Variants in PPFIBP1 observed in about 807,000 individuals in gnomAD.
PPFIBP1 encodes the protein PPFIB scaffold protein 1.
Under a neutral mutation model 137.8 loss-of-function variants are expected in PPFIBP1, and 112 were observed. That is an observed-to-expected ratio of 0.81 (90% CI 0.70 to 0.95). The LOEUF is 0.95. Ranked by LOEUF, PPFIBP1 falls within the 40% of genes least tolerant of loss-of-function variation. The probability of loss-of-function intolerance (pLI) is 0.00; values close to 1 mark genes in which losing one functional copy is unlikely to be tolerated. For missense variants in PPFIBP1, 1,083 were observed against 1,196.6 expected (o/e 0.91, Z 1.40); for synonymous variants, 378 against 417.3 (o/e 0.91, Z 1.15).
chr12:27,620,526 C>A lies in PPFIBP1; in HGVS notation c.-35-12836C>A, dbSNP rs1037722480. Among the ~76,000 whole-genome samples, 3 of 152,304 alleles carry A rather than the reference C, an allele frequency of 2.0e-5. No homozygotes were observed. The East Asian group carries it at 5.8e-4, about 29-fold the overall frequency. On this transcript the variant is annotated intron_variant, in intron 2 of 29. Coordinates refer to ENST00000228425, the MANE Select transcript of PPFIBP1 (RefSeq NM_003622.4). ...AATGTCACTTTATCAGTGGGGCCTT[C>A]CATGATTATCTGATCAAAACTTTTA...
intron 2 of PPFIBP1, chr12:27,592,388 T>C (rs2052627629): frequency 1.7e-6 from 1 of 598,060 alleles, no homozygotes; most frequent in South Asian, 2.7e-5. Context: ...AAAAATAAAC[T>C]ATTGGGGATT....
chr12:27,529,802 AAGAACT>A, intron 1 of PPFIBP1, among the ~76,000 whole-genome samples: 3 of 152,346 alleles, frequency 2.0e-5, no homozygotes, highest in Middle Eastern at 6.8e-3. Context: ...AGTTTTGGGG[AAGAACT>A]AGGTAGGCCC....
chr12:27,592,441 A>G (rs2052634475), intron 2 of PPFIBP1: 1 of 843,342 alleles, frequency 1.2e-6, no homozygotes, highest in Non-Finnish European at 1.8e-6. Flanking sequence ...AACTTTCCAA[A>G]AAGTTGAAAA....
At chr12:27,664,272 T>G in intron 11 of PPFIBP1, 90 bp from the exon 12 acceptor site, 1 of 817,990 alleles carries the variant, frequency 1.2e-6, no homozygotes. Context: ...ATTCTTTATG[T>G]AATTACTATT....
rs140448889 is a variant in PPFIBP1 at position 27,598,864 on chromosome 12, C to T, written c.-36+20625C>T. On this transcript the variant is annotated intron_variant, in intron 2 of 29. Transcript: ENST00000228425. The stretch of plus-strand genomic sequence containing the variant: ...TAATTAGACTTGCAGGTCTAGCTTC[C>T]CTTGGATTACAATTTTACATCGTCT... Among the ~76,000 whole-genome samples the T allele has an allele frequency of 1.8e-3, 270 of 152,162 alleles. 1 individual carries two copies. The highest frequency in any genetic ancestry group is 0.01 in the Middle Eastern group (3 of 294).
chr12:27,670,788 A>ATAATAATAATAATAATAATAATAATAAT (rs57738136), intron 13 of PPFIBP1, among the ~76,000 whole-genome samples: 1 of 134,286 alleles, frequency 7.4e-6, no homozygotes, highest in Non-Finnish European at 1.6e-5. Flanking sequence ...CAAAAAAAAA[A>ATAATAATAATAATAATAATAATAATAAT]AAAAAAAATA....
chr12:27,531,498 T>C lies in PPFIBP1; in HGVS notation c.-124+7133T>C, dbSNP rs188299149. Among the ~76,000 whole-genome samples, 702 of 152,052 alleles carry C rather than the reference T, an allele frequency of 4.6e-3. 2 individuals carry two copies. The highest frequency in any genetic ancestry group is 7.9e-3 in the Admixed American group (120 of 15,270). ...TTGTATTTTTAGTAGAGACAGGGTT[T>C]CACCATCGTGGCCAGGCTGGTCTCA... On this transcript the variant is annotated intron_variant, in intron 1 of 29. Transcript: ENST00000228425.
intron 6 of PPFIBP1, chr12:27,648,119 A>G (rs2058654020): frequency 2.5e-6 from 1 of 395,222 alleles, no homozygotes; most frequent in Admixed American, 4.4e-5. Flanking sequence ...CACCCATAGC[A>G]TGTGTTTTAT....
intron 1 of PPFIBP1, among the ~76,000 whole-genome samples, chr12:27,553,510 T>A (rs1448239009): frequency 2.0e-5 from 3 of 152,226 alleles, no homozygotes; most frequent in African/African-American, 7.2e-5. Context: ...TGAGTTCTCC[T>A]TCAATAGCTT....
rs201126471 is a variant in PPFIBP1 at position 27,691,918 on chromosome 12, G to T, written c.2855G>T (p.Arg952Leu). ...CTGTATGAGGAAGATGATTTGGACC[G>T]GTTAGAGCAGGTAAATCCAACACTG... is the stretch of plus-strand genomic sequence containing the variant. The part of the protein sequence containing the change: ...MRLYEEDDLD[R>L]LEQMEDSEGT... Residue 952 changes from arginine to leucine, a missense_variant, in exon 28 of 30, where the codon CGG (arginine) becomes CTG (leucine). Transcript: ENST00000228425. The T allele has an allele frequency of 6.2e-7, 1 of 1,606,100 alleles. No individual in the cohort carries two copies. Among genetic ancestry groups the T allele is most frequent in the South Asian group, 1.1e-5 (1 of 88,812 alleles).
chr12:27,613,776 T>C (rs2055426895), intron 2 of PPFIBP1, among the ~76,000 whole-genome samples: 1 of 152,060 alleles, frequency 6.6e-6, no homozygotes. Flanking sequence ...TCAGTAGTTC[T>C]TTGGCCCTTG....
intron 1 of PPFIBP1, among the ~76,000 whole-genome samples, chr12:27,550,991 A>T (rs867762542): frequency 1.4e-3 from 195 of 136,714 alleles, no homozygotes; most frequent in African/African-American, 4.8e-3. Flanking sequence ...ATATATATAT[A>T]TTTTTTTTTT....
At chr12:27,526,486 T>C (rs1943764782) in intron 1 of PPFIBP1, among the ~76,000 whole-genome samples, 1 of 152,172 alleles carries the variant, frequency 6.6e-6, no homozygotes, top group Admixed American at 6.6e-5. Context: ...GTAGGATCAG[T>C]TTTTGGTTAA....
At chr12:27,627,420 T>C (rs572058603) in intron 2 of PPFIBP1, among the ~76,000 whole-genome samples, 1 of 152,232 alleles carries the variant, frequency 6.6e-6, no homozygotes, top group Non-Finnish European at 1.5e-5. Context: ...TATGTGAACA[T>C]TCTCCCTTTC....
intron 1 of PPFIBP1, among the ~76,000 whole-genome samples, chr12:27,558,467 TACACAC>T (rs10677887): frequency 8.5e-5 from 11 of 129,282 alleles, no homozygotes; most frequent in African/African-American, 3.4e-4. Context: ...CAGTATGTTA[TACACAC>T]ACACACACAC....
At position 27,539,222 on chromosome 12, in the gene PPFIBP1, C is replaced by A. The variant is rs116569377; in HGVS notation, c.-124+14857C>A. On this transcript the variant is annotated intron_variant, in intron 1 of 29. Transcript: ENST00000228425. ...AGGCAAACACCAAAAGGCTTAATTT[C>A]ATCAGCATCAGTGATTCTTGCCAGT... Among the ~76,000 whole-genome samples the A allele has an allele frequency of 6.8e-3, 1,030 of 152,362 alleles. 14 individuals carry two copies. Among genetic ancestry groups the A allele is most frequent in the African/African-American group, 0.023 (971 of 41,580 alleles).
At chr12:27,649,926 G>T in intron 6 of PPFIBP1, 84 bp from the exon 7 acceptor site, 1 of 1,304,318 alleles carries the variant, frequency 7.7e-7, no homozygotes, top group South Asian at 1.4e-5. Flanking sequence ...GATAGGTGCT[G>T]CTTTGTGCGA....
chr12:27,684,389 G>A (rs1566013988), intron 24 of PPFIBP1, among the ~76,000 whole-genome samples: 3 of 152,204 alleles, frequency 2.0e-5, no homozygotes, highest in South Asian at 2.1e-4. Context: ...GATTACAGGC[G>A]TGAGCCACTG....
intron 2 of PPFIBP1, among the ~76,000 whole-genome samples, chr12:27,608,407 T>C (rs1041823515): frequency 2.2e-4 from 33 of 152,242 alleles, no homozygotes; most frequent in African/African-American, 8.0e-4. Context: ...TGCCATTTAC[T>C]GTGCTTTCTG....
Sources: gnomAD v4.1 joint callset for allele counts (sites outside exome capture counted in the v4.1 genomes callset) on GRCh38, gnomAD v4.1.1 for gene constraint, MANE v1.5 for transcripts, NCBI Gene and HGNC (gene_info 2026-07-23, HGNC 2026-07-21) for gene names.